Variants in PDGFB observed in about 807,000 individuals in gnomAD.
The protein encoded by PDGFB is platelet-derived growth factor subunit B.
In PDGFB, 6 loss-of-function variants were observed where a neutral mutation model predicts 29.0. The ratio of observed to expected loss-of-function variants is 0.21; its 90% confidence interval spans 0.11 to 0.41. PDGFB has a LOEUF of 0.41. Among genes scored for constraint, PDGFB ranks in the 10% least tolerant of loss-of-function variants. PDGFB has a pLI of 1.00. For synonymous variants in PDGFB, 144 were observed against 140.8 expected (o/e 1.02, Z -0.16); for missense variants, 299 against 341.8 (o/e 0.87, Z 0.99).
intron 5 of PDGFB, among the ~76,000 whole-genome samples, chr22:39,226,929 C>A (rs916529619): frequency 6.6e-6 from 1 of 152,340 alleles, no homozygotes. Flanking sequence ...GAGCAAGTCA[C>A]TTAACTGCCC....
rs149665155 is a variant in PDGFB, at chr22:39,224,662, C to T, written c.*680G>A. 3.9e-5 allele frequency: 6 copies of T among 152,480 alleles called. No homozygotes were observed. Among genetic ancestry groups the T allele is most frequent in the Non-Finnish European group, 5.9e-5 (4 of 68,028 alleles). The allele number at this position is 152,480 out of a possible 1,614,324, so 9.4% of individuals were successfully genotyped here. A position where few individuals can be genotyped will look rare whatever the true frequency, so the allele number is the denominator to read the frequency against. ...CTACAGCCACCTCAACAGCAAACTC[C>T]ATCTCTAACCCACCTGAGAGGGCAC... On this transcript the variant is annotated 3_prime_UTR_variant, in exon 7 of 7. Coordinates refer to ENST00000331163, the MANE Select transcript of PDGFB (RefSeq NM_002608.4).
At chr22:39,232,563 A>C (rs1008751932) in intron 3 of PDGFB, among the ~76,000 whole-genome samples, 2 of 151,404 alleles carry the variant, frequency 1.3e-5, no homozygotes, top group African/African-American at 4.9e-5. Context: ...GGTCTCGGCT[A>C]ACTGCAACCT....
rs927285935 is a variant in PDGFB at position 39,242,727 on chromosome 22, C to A, written c.63+1174G>T. ...TCCGAGCCCTCCGCCTTAACCCCTT[C>A]GCCGCCGCTGCCTCCTTCCTGCGCC... On this transcript the variant is annotated intron_variant, in intron 1 of 6. Coordinates refer to ENST00000331163, the MANE Select transcript of PDGFB (RefSeq NM_002608.4). The surrounding 1 kb of genome is among the most constrained non-coding windows in gnomAD (Gnocchi z 5.7). Among the ~76,000 whole-genome samples the A allele has an allele frequency of 6.6e-6, 1 of 152,100 alleles. No homozygotes were observed. The highest frequency in any genetic ancestry group is 1.5e-5 in the Non-Finnish European group (1 of 67,994).
intron 1 of PDGFB, among the ~76,000 whole-genome samples, chr22:39,241,495 A>C (rs569260743): frequency 6.6e-6 from 1 of 152,356 alleles, no homozygotes; most frequent in South Asian, 2.1e-4. Flanking sequence ...GCCTGTGGCC[A>C]TGTGTTCAAG....
chr22:39,232,684 T>C (rs939088252), intron 3 of PDGFB, among the ~76,000 whole-genome samples: 1 of 152,128 alleles, frequency 6.6e-6, no homozygotes, highest in African/African-American at 2.4e-5. Flanking sequence ...GAGACAGGGT[T>C]TCACCATGTC....
chr22:39,226,456 C>A (rs560933843), intron 5 of PDGFB, among the ~76,000 whole-genome samples: 1 of 152,188 alleles, frequency 6.6e-6, no homozygotes, highest in South Asian at 2.1e-4. Context: ...CCCTGGACTA[C>A]AGGGAGAGGA....
intron 3 of PDGFB, among the ~76,000 whole-genome samples, chr22:39,232,461 A>G (rs1932332682): frequency 6.6e-6 from 1 of 152,158 alleles, no homozygotes; most frequent in Admixed American, 6.5e-5. Context: ...GCCCACATTC[A>G]TAGATTGGGG....
chr22:39,234,223 C>T (rs1569137262), intron 2 of PDGFB, among the ~76,000 whole-genome samples: 1 of 152,230 alleles, frequency 6.6e-6, no homozygotes, highest in Non-Finnish European at 1.5e-5. Flanking sequence ...CCTCTGCCCC[C>T]AGCCGTCTGT....
intron 2 of PDGFB, among the ~76,000 whole-genome samples, chr22:39,235,470 C>A (rs1932418788): frequency 6.6e-6 from 1 of 152,188 alleles, no homozygotes; most frequent in African/African-American, 2.4e-5. Flanking sequence ...GCTGGGCCCA[C>A]ACCTGGAGAC....
chr22:39,229,550 C>T (rs1041066578), intron 5 of PDGFB, among the ~76,000 whole-genome samples: 2 of 152,216 alleles, frequency 1.3e-5, no homozygotes, highest in African/African-American at 4.8e-5. Context: ...TGCTCACTAT[C>T]GGAAGTTGAT....
At position 39,243,285 on chromosome 22, in the gene PDGFB, T is replaced by G. The variant is rs1358470215; in HGVS notation, c.63+616A>C. Among the ~76,000 whole-genome samples the G allele has an allele frequency of 6.6e-6, 1 of 151,734 alleles. No individual in the cohort carries two copies. Among genetic ancestry groups the G allele is most frequent in the African/African-American group, 2.4e-5 (1 of 41,252 alleles). On this transcript the variant is annotated intron_variant, in intron 1 of 6. Coordinates refer to ENST00000331163, the MANE Select transcript of PDGFB (RefSeq NM_002608.4). The surrounding 1 kb of genome is among the most constrained non-coding windows in gnomAD (Gnocchi z 6.4). ...CTCTCTCTCTCTCTTTCTCTCTCTC[T>G]CTCTCTCTCTCCCTGTTACTCCCAC...
intron 1 of PDGFB, chr22:39,241,166 G>A (rs1047476530): frequency 1.9e-5 from 10 of 517,266 alleles, no homozygotes; most frequent in African/African-American, 5.7e-5. Context: ...AGTGGGACTC[G>A]CCCTCCTGGA....
rs533236818 is a variant in PDGFB at position 39,224,098 on chromosome 22, T to C, written c.*1244A>G. On this transcript the variant is annotated 3_prime_UTR_variant, in exon 7 of 7. Coordinates refer to ENST00000331163, the MANE Select transcript of PDGFB (RefSeq NM_002608.4). ...GGGCAGTTGCTGGAGCAGAGGACTT[T>C]GGGAAATGGAGGTCATGTGGACAGC... The C allele has an allele frequency of 1.9e-4, 29 of 152,380 alleles. No individual in the cohort carries two copies. Among genetic ancestry groups the C allele is most frequent in the African/African-American group, 6.5e-4 (27 of 41,562 alleles). The allele number at this position is 152,380 out of a possible 1,614,324, so 9.4% of individuals were successfully genotyped here. A position where few individuals can be genotyped will look rare whatever the true frequency, so the allele number is the denominator to read the frequency against.
intron 1 of PDGFB, chr22:39,241,032 C>A: frequency 1.2e-6 from 1 of 800,150 alleles, no homozygotes; most frequent in Non-Finnish European, 2.1e-6. Context: ...TCTGGGATTC[C>A]AGCAGTTGGT....
At position 39,235,837 on chromosome 22, in the gene PDGFB, C is replaced by T. The variant is rs1932430024; in HGVS notation, c.101G>A (p.Ser34Asn). The T allele has an allele frequency of 1.2e-6, 2 of 1,613,982 alleles. No individual in the cohort carries two copies. Among genetic ancestry groups the T allele is most frequent in the African/African-American group, 1.3e-5 (1 of 75,066 alleles). Residue 34 changes from serine (S) to asparagine (N), a missense_variant, in exon 2 of 7, where the codon AGT (serine) becomes AAT (asparagine). Coordinates refer to ENST00000331163, the MANE Select transcript of PDGFB (RefSeq NM_002608.4). ...ATCAAAGGAGCGGATCGAGTGGTCA[C>T]TCAGCATCTCATAAAGCTCCTCGGG... is the stretch of plus-strand genomic sequence containing the variant. ...PIPEELYEML[S>N]DHSIRSFDDL... is the part of the protein sequence containing the mutation.
At chr22:39,234,544 G>A (rs1932393986) in intron 2 of PDGFB, among the ~76,000 whole-genome samples, 1 of 152,224 alleles carries the variant, frequency 6.6e-6, no homozygotes, top group Non-Finnish European at 1.5e-5. Flanking sequence ...AAAGGCGCCT[G>A]CCGCCTGTCC....
At chr22:39,241,143 C>A in intron 1 of PDGFB, 2 of 553,750 alleles carry the variant, frequency 3.6e-6, no homozygotes. Context: ...TGAGGCCAGA[C>A]GCGTCACGTG....
chr22:39,233,204 C>T (rs1276933471), intron 3 of PDGFB, among the ~76,000 whole-genome samples: 1 of 152,190 alleles, frequency 6.6e-6, no homozygotes, highest in Admixed American at 6.5e-5. Context: ...AACGAATGAG[C>T]TTTGCAGCAC....
Position 39,231,795 on chromosome 22 carries a change from C to T in PDGFB, c.283G>A (p.Ala95Thr), listed in dbSNP as rs776599710. 11 of 1,613,410 alleles carry T rather than the reference C, an allele frequency of 6.8e-6. No homozygotes were observed. Among genetic ancestry groups the T allele is most frequent in the Non-Finnish European group, 2.5e-6 (3 of 1,179,910 alleles). The change falls in exon 4 of 7, where the codon GCC becomes ACC. Residue 95 changes from alanine (A) to threonine (T), a missense_variant. Physicochemically the swap from Ala to Thr is moderately conservative, Grantham distance 58 (BLOSUM62 0). Transcript: ENST00000331163. The surrounding 1 kb of genome is among the most constrained non-coding windows in gnomAD (Gnocchi z 4.3). ...SLTIAEPAMI[A>T]ECKTRTEVFE... is the part of the protein sequence containing the mutation. Reference sequence around the variant, plus strand: ...ACCTCGGTGCGCGTCTTGCACTCGGCGATCATGGCCGGCTCAGCAATGGTC... The same window carrying T: ...ACCTCGGTGCGCGTCTTGCACTCGGTGATCATGGCCGGCTCAGCAATGGTC...
Sources: gnomAD v4.1 joint callset for allele counts (sites outside exome capture counted in the v4.1 genomes callset) on GRCh38, gnomAD v4.1.1 for gene constraint, Gnocchi (gnomAD v3.1) non-coding constraint, MANE v1.5 for transcripts, NCBI Gene and HGNC (gene_info 2026-07-23, HGNC 2026-07-21) for gene names.